MAP2K7: variants seen among roughly 807,000 people sequenced by gnomAD.
The protein encoded by MAP2K7 is mitogen-activated protein kinase kinase 7.
A neutral mutation model predicts 47.7 loss-of-function variants in MAP2K7; 12 were observed. The observed-to-expected ratio is 0.25, with a 90% confidence interval of 0.16 to 0.41. The LOEUF (loss-of-function observed/expected upper bound fraction) is 0.41. Among genes scored for constraint, MAP2K7 ranks in the 10% least tolerant of loss-of-function variants. MAP2K7 has a pLI of 1.00. For synonymous variants in MAP2K7, 299 were observed against 243.0 expected (o/e 1.23, Z -2.14); for missense variants, 415 against 600.3 (o/e 0.69, Z 3.23).
In MAP2K7 at chr19:7,911,239, C is replaced by CT. The variant is rs757557664; in HGVS notation, c.856-11_856-10insT. ...GCCTTGGAGATACGTCTTCTCCTCC[C>CT]CCCCCTGCAGCCCGAGCGCATTGAC... On this transcript the variant is annotated splice_polypyrimidine_tract_variant and intron_variant, in intron 7 of 10. Transcript: ENST00000397979. The CT allele has an allele frequency of 3.7e-5, 60 of 1,605,102 alleles. No homozygotes were observed. The South Asian group carries it at 5.1e-4, about 14-fold the overall frequency.
intron 9 of MAP2K7, 60 bp from the exon 10 acceptor site, chr19:7,912,089 G>T (rs961668576): frequency 2.6e-5 from 40 of 1,534,686 alleles, no homozygotes; most frequent in South Asian, 3.4e-5. Flanking sequence ...GAGCACAGGG[G>T]TGGGGCCGGC....
chr19:7,912,269 C>T, intron 10 of MAP2K7, 28 bp from the exon 11 acceptor site: 1 of 1,613,590 alleles, frequency 6.2e-7, no homozygotes, highest in Non-Finnish European at 8.5e-7. Flanking sequence ...ACCGTCTCCT[C>T]CTAAGCCCCA....
intron 1 of MAP2K7, 32 bp downstream of exon 1, chr19:7,904,100 C>A (rs1167058885): frequency 4.6e-4 from 7 of 15,384 alleles, no homozygotes; most frequent in East Asian, 2.5e-3. Flanking sequence ...AGGGGGCGGG[C>A]GGGCGGGGCG....
At chr19:7,907,548 G>A (rs11667165) in intron 1 of MAP2K7, among the ~76,000 whole-genome samples, 31,584 of 152,116 alleles carry the variant, frequency 0.21, 3,522 homozygotes, top group Non-Finnish European at 0.25. Context: ...CCACCCTCCT[G>A]AGCTGCCATG....
Position 7,904,037 on chromosome 19 carries a change from C to T in MAP2K7, c.93C>T (p.Asn31=), listed in dbSNP as rs777764422. 26 of 1,443,734 alleles carry T rather than the reference C, an allele frequency of 1.8e-5. No individual in the cohort carries two copies. Among genetic ancestry groups the T allele is most frequent in the Non-Finnish European group, 2.3e-5 (25 of 1,082,506 alleles). 89.4% of individuals were successfully genotyped at this position (1,443,734 alleles called of 1,614,324 possible). The stretch of plus-strand genomic sequence containing the variant: ...AGGCCCGGCGGAGGATCGACCTCAA[C>T]CTGGATATCAGCCCCCAGCGGCCCA... ...NREARRRIDL[N]LDISPQRPRP... Residue 31 remains asparagine, a synonymous_variant, in exon 1 of 11, where the codon AAC becomes AAT. Transcript: ENST00000397979.
chr19:7,907,390 TTGTGCGTGCGTGCACTTGCACGGCA>T (rs1202052589), intron 1 of MAP2K7, among the ~76,000 whole-genome samples: 1 of 152,206 alleles, frequency 6.6e-6, no homozygotes, highest in Non-Finnish European at 1.5e-5. Context: ...CGGGTGTGTG[TTGTGCGTGCGTGCACTTGCACGGCA>T]TGTGCGTGCA....
Position 7,911,465 on chromosome 19 carries a change from C to T in MAP2K7, c.966C>T (p.Tyr322=). ...LVELATGQFP[Y]KNCKTDFEVL... ...AGCTGGCAACAGGACAGTTTCCCTACAAGAACTGCAAGACGGACTTTGAGG... is the reference window on the plus strand; with the variant it reads ...AGCTGGCAACAGGACAGTTTCCCTATAAGAACTGCAAGACGGACTTTGAGG... The change falls in exon 9 of 11, where the codon TAC becomes TAT. Residue 322 remains tyrosine (Y), a synonymous_variant. Coordinates refer to ENST00000397979, the MANE Select transcript of MAP2K7 (RefSeq NM_145185.4). The T allele has an allele frequency of 1.9e-6, 3 of 1,613,554 alleles. No homozygotes were observed. The highest frequency in any genetic ancestry group is 2.5e-6 in the Non-Finnish European group (3 of 1,179,964).
At chr19:7,909,521 C>G (rs1012567563) in intron 1 of MAP2K7, among the ~76,000 whole-genome samples, 2 of 152,200 alleles carry the variant, frequency 1.3e-5, no homozygotes, top group African/African-American at 4.8e-5. Flanking sequence ...CCCTGCTAGC[C>G]TCCTCCATCT....
chr19:7,909,709 GCTGGGCGCTGACCCCC>G, intron 1 of MAP2K7, 30 bp from the exon 2 acceptor site: 1 of 1,319,540 alleles, frequency 7.6e-7, no homozygotes, highest in Non-Finnish European at 1.0e-6. Context: ...GCTGACACCA[GCTGGGCGCTGACCCCC>G]CTCCCTGCCA....
intron 1 of MAP2K7, 93 bp from the exon 2 acceptor site, chr19:7,909,662 G>C (rs114264263): frequency 1.4e-6 from 1 of 692,698 alleles, no homozygotes; most frequent in Non-Finnish European, 2.4e-6. Context: ...AGGGGAAGGT[G>C]AGGGTCCCGA....
intron 1 of MAP2K7, 115 bp downstream of exon 1, chr19:7,904,183 T>C: frequency 1.2e-6 from 1 of 826,784 alleles, no homozygotes; most frequent in Non-Finnish European, 1.5e-6. Context: ...CGCTCTCCTC[T>C]CCGCCCCCCC....
intron 1 of MAP2K7, chr19:7,906,241 T>C (rs551036006): frequency 4.1e-6 from 1 of 244,368 alleles, no homozygotes; most frequent in African/African-American, 2.2e-5. Context: ...AACAACTAGG[T>C]GAACACATAG....
Position 7,911,682 on chromosome 19 carries a change from G to A in MAP2K7, c.1079+104G>A, listed in dbSNP as rs918718154. On this transcript the variant is annotated intron_variant, in intron 9 of 10. Transcript: ENST00000397979. ...ATGGAGGCCGCACCCTGGGATGGGC[G>A]GATGCGACTGTGGGCGGGCTCCTGG... 5.5e-5 allele frequency: 66 copies of A among 1,202,696 alleles called. 1 individual carries two copies. The highest frequency in any genetic ancestry group is 3.2e-4 in the South Asian group (21 of 65,262). The allele number at this position is 1,202,696 out of a possible 1,614,324, so 74.5% of individuals were successfully genotyped here.
chr19:7,904,497 C>G (rs1026495542), intron 1 of MAP2K7: 4 of 327,360 alleles, frequency 1.2e-5, no homozygotes, highest in Non-Finnish European at 6.1e-6. Context: ...TTGTCAGCCC[C>G]GTGCAGCGAC....
chr19:7,904,092 G>GGGGCGGGC (rs1196914872), intron 1 of MAP2K7, 24 bp downstream of exon 1: 1 of 1,249,096 alleles, frequency 8.0e-7, no homozygotes, highest in Non-Finnish European at 1.0e-6. Flanking sequence ...CGTGGGGGAG[G>GGGGCGGGC]GGGCGGGCGG....
chr19:7,911,747 G>A (rs562378200), intron 9 of MAP2K7, among the ~76,000 whole-genome samples, 169 bp downstream of exon 9: 138 of 152,344 alleles, frequency 9.1e-4, no homozygotes, highest in African/African-American at 3.0e-3. Flanking sequence ...TGCCCAGGGA[G>A]CCATGAGCTG....
Position 7,910,812 on chromosome 19 carries a change from C to G in MAP2K7, c.675+9C>G. 6.3e-7 allele frequency: 1 copy of G among 1,584,198 alleles called. No individual in the cohort carries two copies. The highest frequency in any genetic ancestry group is 8.6e-7 in the Non-Finnish European group (1 of 1,160,338). Reference sequence around the variant, plus strand: ...GCAAGATGACAGTGGCGGTGAGTGACCAGGCGGGGCTTGCACTGGGCAGGA... The same window carrying G: ...GCAAGATGACAGTGGCGGTGAGTGAGCAGGCGGGGCTTGCACTGGGCAGGA... On this transcript the variant is annotated intron_variant, in intron 6 of 10. Transcript: ENST00000397979.
At position 7,911,548 on chromosome 19, in the gene MAP2K7, C is replaced by T. The variant is rs1351336395; in HGVS notation, c.1049C>T (p.Ser350Leu). 1.2e-6 allele frequency: 2 copies of T among 1,603,288 alleles called. No homozygotes were observed. The highest frequency in any genetic ancestry group is 1.7e-6 in the Non-Finnish European group (2 of 1,174,096). Residue 350 changes from serine to leucine, a missense_variant, in exon 9 of 11, where the codon TCG becomes TTG. Coordinates refer to ENST00000397979, the MANE Select transcript of MAP2K7 (RefSeq NM_145185.4). ...CTTCTGCCCGGACACATGGGCTTCT[C>T]GGGGGACTTCCAGTCCTTCGTCAAA... ...PPLLPGHMGF[S>L]GDFQSFVKDC...
rs753123405 is a variant in MAP2K7, at chr19:7,909,768, G to A, written c.138G>A (p.Pro46=). 4.1e-5 allele frequency: 63 copies of A among 1,539,400 alleles called. No individual in the cohort carries two copies. Among genetic ancestry groups the A allele is most frequent in the South Asian group, 2.9e-4 (24 of 83,516 alleles). Residue 46 remains proline, a synonymous_variant, in exon 2 of 11, where the codon CCG becomes CCA. Coordinates refer to ENST00000397979, the MANE Select transcript of MAP2K7 (RefSeq NM_145185.4). Reference sequence around the variant, plus strand: ...TCACCCCCCTAGCCCTGCAGCTCCCGCTGGCCAACGATGGGGGCAGCCGCT... The same window carrying A: ...TCACCCCCCTAGCCCTGCAGCTCCCACTGGCCAACGATGGGGGCAGCCGCT... The part of the protein sequence containing the change: ...PQRPRPTLQL[P]LANDGGSRSP...
Sources: gnomAD v4.1 joint callset for allele counts (sites outside exome capture counted in the v4.1 genomes callset) on GRCh38, gnomAD v4.1.1 for gene constraint, MANE v1.5 for transcripts, NCBI Gene and HGNC (gene_info 2026-07-23, HGNC 2026-07-21) for gene names.